Variants in NEK6 observed in about 807,000 individuals in gnomAD.
The protein encoded by NEK6 is serine/threonine-protein kinase Nek6.
A neutral mutation model predicts 43.5 loss-of-function variants in NEK6; 27 were observed. The observed-to-expected ratio is 0.62, with a 90% CI of 0.46 to 0.86. The LOEUF (loss-of-function observed/expected upper bound fraction) is 0.86, where lower values mean the gene tolerates loss of function less well. Among genes scored for constraint, NEK6 ranks in the 40% least tolerant of loss-of-function variants. The pLI is 0.00. For synonymous variants in NEK6, 167 were observed against 164.1 expected, an observed-to-expected ratio of 1.02 and a Z score of -0.14; for missense variants, 318 against 414.4, an observed-to-expected ratio of 0.77 and a Z score of 2.02.
In NEK6 at chr9:124,321,546, G is replaced by T; in HGVS notation, c.382G>T (p.Gly128Trp). 7 of 1,613,202 alleles carry T rather than the reference G, an allele frequency of 4.3e-6. No individual in the cohort carries two copies. Among genetic ancestry groups the T allele is most frequent in the Non-Finnish European group, 5.9e-6 (7 of 1,179,138 alleles). The change falls in exon 5 of 10, where the codon GGG becomes TGG. Residue 128 changes from glycine to tryptophan, a missense_variant. Gly to Trp is a radical substitution (Grantham distance 184). Coordinates refer to ENST00000320246, the MANE Select transcript of NEK6 (RefSeq NM_014397.6). ...CATTGTGCTGGAGTTGGCTGACGCA[G>T]GGGACCTCTCGCAGATGATCAAGGT... ...LNIVLELADA[G>W]DLSQMIKYFK... is the part of the protein sequence containing the mutation.
At chr9:124,258,506 G>A (rs760108722) in intron 1 of NEK6, 14 of 253,560 alleles carry the variant, frequency 5.5e-5, no homozygotes, top group Non-Finnish European at 8.7e-5. Flanking sequence ...ATTCCAAAGT[G>A]ATTTGTGTGC....
chr9:124,326,202 T>TGCCCCCCCCCCC lies in NEK6; in HGVS notation c.406-128_406-127insGCCCCCCCCCCC. The TGCCCCCCCCCCC allele has an allele frequency of 8.1e-6, 1 of 124,052 alleles. No individual in the cohort carries two copies. Among genetic ancestry groups the TGCCCCCCCCCCC allele is most frequent in the Non-Finnish European group, 2.0e-5 (1 of 50,618 alleles). The allele number at this position is 124,052 out of a possible 1,614,324, so 7.7% of individuals were successfully genotyped here. A position where few individuals can be genotyped will look rare whatever the true frequency, so the allele number is the denominator to read the frequency against. On this transcript the variant is annotated intron_variant, in intron 5 of 9. Transcript: ENST00000320246. This position sits in a 1 kb window ranked among gnomAD's most constrained non-coding sequence, Gnocchi z 4.5. ...GCTTATTGTTTGCTCAGTGGCTCAA[T>TGCCCCCCCCCCC]CCCCCCCCCCCGCCCCTGCCAGGCA...
intron 1 of NEK6, among the ~76,000 whole-genome samples, chr9:124,266,901 C>G (rs1057086655): frequency 6.6e-6 from 1 of 152,180 alleles, no homozygotes; most frequent in Non-Finnish European, 1.5e-5. Flanking sequence ...TGCTCATCCT[C>G]GAATTATTCC....
intron 8 of NEK6, among the ~76,000 whole-genome samples, chr9:124,345,491 A>G (rs938486884): frequency 3.3e-5 from 5 of 152,242 alleles, no homozygotes; most frequent in African/African-American, 1.2e-4. Flanking sequence ...AGTGCTGGAA[A>G]GAGCAGAGAC....
At chr9:124,281,512 T>A (rs1290723502) in intron 1 of NEK6, among the ~76,000 whole-genome samples, 8 of 143,980 alleles carry the variant, frequency 5.6e-5, no homozygotes, top group African/African-American at 1.8e-4. Context: ...TTTTTTTTTT[T>A]TTTTTGGAGG....
intron 4 of NEK6, among the ~76,000 whole-genome samples, chr9:124,317,291 C>CA (rs1171723533): frequency 2.6e-5 from 4 of 152,232 alleles, no homozygotes; most frequent in African/African-American, 9.6e-5. Context: ...CTCGCTCTGT[C>CA]ACCCAGGCTG....
chr9:124,341,931 C>T (rs1197709788), intron 8 of NEK6, among the ~76,000 whole-genome samples: 1 of 152,170 alleles, frequency 6.6e-6, no homozygotes, highest in African/African-American at 2.4e-5. Context: ...GCGGAGAAGA[C>T]GTTAAATCCA....
intron 7 of NEK6, 64 bp downstream of exon 7, chr9:124,327,509 C>A: frequency 1.6e-6 from 2 of 1,231,310 alleles, no homozygotes; most frequent in Non-Finnish European, 1.2e-6. Flanking sequence ...CAGGGAGACG[C>A]AAACATTCTC....
At chr9:124,308,253 G>T (rs910042705) in intron 2 of NEK6, among the ~76,000 whole-genome samples, 7 of 152,178 alleles carry the variant, frequency 4.6e-5, no homozygotes, top group African/African-American at 1.7e-4. Context: ...CCAGAGCAGT[G>T]GTTACCCCTC....
chr9:124,343,234 G>A lies in NEK6; in HGVS notation c.717+3569G>A, dbSNP rs1039917607. 4.0e-5 allele frequency among the ~76,000 whole-genome samples: 6 copies of A among 150,946 alleles called. No individual in the cohort carries two copies. Among genetic ancestry groups the A allele is most frequent in the African/African-American group, 1.5e-4 (6 of 40,970 alleles). ...GGGGGCTGGACCACAGCCGGGGGGC[G>A]GTGAGGGGACGGATCGCAGCCGGGG... On this transcript the variant is annotated intron_variant, in intron 8 of 9. Transcript: ENST00000320246. The surrounding 1 kb of genome is among the most constrained non-coding windows in gnomAD (Gnocchi z 5.1).
intron 2 of NEK6, among the ~76,000 whole-genome samples, chr9:124,302,919 C>G (rs571702202): frequency 6.6e-6 from 1 of 152,372 alleles, no homozygotes; most frequent in African/African-American, 2.4e-5. Context: ...CGCGTGCTCG[C>G]TGAGTTAAGG....
chr9:124,335,862 C>T (rs1005505048), intron 7 of NEK6, among the ~76,000 whole-genome samples: 1 of 152,232 alleles, frequency 6.6e-6, no homozygotes, highest in African/African-American at 2.4e-5. Flanking sequence ...ATAATCCAAA[C>T]ACTTTAGGAG....
At chr9:124,339,280 C>T (rs1469928903) in intron 7 of NEK6, among the ~76,000 whole-genome samples, 3 of 151,766 alleles carry the variant, frequency 2.0e-5, no homozygotes, top group Non-Finnish European at 4.4e-5. Flanking sequence ...CAGGCGTGAG[C>T]CATGGCGCCC....
At chr9:124,262,242 C>T (rs1831060751) in intron 1 of NEK6, among the ~76,000 whole-genome samples, 1 of 152,198 alleles carries the variant, frequency 6.6e-6, no homozygotes, top group Admixed American at 6.5e-5. Flanking sequence ...AAAATCAGGC[C>T]AGCACTTTCA....
intron 1 of NEK6, among the ~76,000 whole-genome samples, chr9:124,271,944 C>T (rs767123141): frequency 6.6e-5 from 10 of 152,370 alleles, no homozygotes; most frequent in South Asian, 2.1e-4. Context: ...CACACCTGGC[C>T]GTGAGCCACA....
In NEK6 at chr9:124,326,164, C is replaced by T. The variant is rs1361433287; in HGVS notation, c.406-166C>T. Among the ~76,000 whole-genome samples the T allele has an allele frequency of 6.6e-6, 1 of 151,852 alleles. No individual in the cohort carries two copies. Among genetic ancestry groups the T allele is most frequent in the Non-Finnish European group, 1.5e-5 (1 of 67,974 alleles). On this transcript the variant is annotated intron_variant, in intron 5 of 9. Transcript: ENST00000320246. This position sits in a 1 kb window ranked among gnomAD's most constrained non-coding sequence, Gnocchi z 4.5. ...CAGAAGTAGAGGCGTGGACACAGCA[C>T]TCTTGGTTCTGGGCTTATTGTTTGC...
intron 1 of NEK6, among the ~76,000 whole-genome samples, chr9:124,293,562 A>G (rs1832527710): frequency 6.6e-6 from 1 of 152,166 alleles, no homozygotes; most frequent in Non-Finnish European, 1.5e-5. Flanking sequence ...CTCGATTTTC[A>G]AAAAGGCCCT....
chr9:124,266,702 G>A (rs1035451088), intron 1 of NEK6, among the ~76,000 whole-genome samples: 1 of 152,222 alleles, frequency 6.6e-6, no homozygotes, highest in Non-Finnish European at 1.5e-5. Context: ...TGACACATAG[G>A]AGGAGCTCAA....
At chr9:124,295,124 C>T (rs552625021) in intron 1 of NEK6, among the ~76,000 whole-genome samples, 4 of 152,340 alleles carry the variant, frequency 2.6e-5, no homozygotes, top group Non-Finnish European at 4.4e-5. Flanking sequence ...AAGGGGGCAG[C>T]GGGGAACCTG....
Sources: gnomAD v4.1 joint callset for allele counts (sites outside exome capture counted in the v4.1 genomes callset) on GRCh38, gnomAD v4.1.1 for gene constraint, Gnocchi (gnomAD v3.1) non-coding constraint, MANE v1.5 for transcripts, NCBI Gene and HGNC (gene_info 2026-07-23, HGNC 2026-07-21) for gene names.